The following ADGRD2 variants were observed in gnomAD, a reference collection of about 807,000 sequenced individuals.
ADGRD2 encodes the protein adhesion G protein-coupled receptor D2.
A neutral mutation model predicts 44.4 loss-of-function variants in ADGRD2; 71 were observed. The observed-to-expected ratio is 1.60, with a 90% CI of 1.32 to 1.95. The LOEUF is 1.95. Ranked by LOEUF, ADGRD2 falls within the 30% of genes most tolerant of loss-of-function variation. The pLI is 0.00. For synonymous variants in ADGRD2, 481 were observed against 224.8 expected (o/e 2.14, Z -10.19); for missense variants, 1,039 against 512.4 (o/e 2.03, Z -9.92).
chr9:124,468,618 G>C, exon 14 of ADGRD2: 1 of 718,356 alleles, frequency 1.4e-6, no homozygotes, highest in Non-Finnish European at 2.6e-6. Context: ...GAAGGTGGTA[G>C]CTGTGAGCAT....
chr9:124,461,435 G>T (rs769122905), intron 10 of ADGRD2, among the ~76,000 whole-genome samples: 1 of 152,206 alleles, frequency 6.6e-6, no homozygotes, highest in Non-Finnish European at 1.5e-5. Flanking sequence ...GGTGTATGAT[G>T]TATTTCAACT....
Position 124,468,080 on chromosome 9 carries a change from C to T in ADGRD2, c.2131-8C>T. 1 of 718,474 alleles carries T rather than the reference C, an allele frequency of 1.4e-6. No individual in the cohort carries two copies. Among genetic ancestry groups the T allele is most frequent in the Non-Finnish European group, 2.6e-6 (1 of 385,138 alleles). The allele number at this position is 718,474 out of a possible 1,614,324, so 44.5% of individuals were successfully genotyped here. On this transcript the variant is annotated splice_polypyrimidine_tract_variant and splice_region_variant and intron_variant, in intron 12 of 21. Transcript: ENST00000334810. ...GTTCTTGTTAACTGACTCCTCTGTC[C>T]TCTCCAGGGTCCCCAAGTCAGAGCG... is the stretch of plus-strand genomic sequence containing the variant.
At chr9:124,452,605 G>A (rs753650134) in exon 2 of ADGRD2, 52 of 718,480 alleles carry the variant, frequency 7.2e-5, no homozygotes, top group Middle Eastern at 4.6e-4. Flanking sequence ...AGAGTCCTGC[G>A]AGCAGCAGTT....
chr9:124,470,146 G>A (rs1831919855), intron 16 of ADGRD2, among the ~76,000 whole-genome samples: 1 of 152,134 alleles, frequency 6.6e-6, no homozygotes, highest in African/African-American at 2.4e-5. Context: ...CAGGGCCCTT[G>A]GAGAGGGAGA....
At chr9:124,456,177 G>A (rs1055452416) in intron 6 of ADGRD2, among the ~76,000 whole-genome samples, 3 of 152,244 alleles carry the variant, frequency 2.0e-5, no homozygotes, top group African/African-American at 4.8e-5. Context: ...ATGGAGAGGC[G>A]TTAGGGATGA....
intron 16 of ADGRD2, among the ~76,000 whole-genome samples, chr9:124,469,857 G>A (rs1350543092): frequency 1.3e-5 from 2 of 152,238 alleles, no homozygotes; most frequent in African/African-American, 4.8e-5. Flanking sequence ...GGCAGGTACT[G>A]ATAGCCTGCA....
At chr9:124,453,600 C>G (rs1428713141) in exon 3 of ADGRD2, 1 of 700,916 alleles carries the variant, frequency 1.4e-6, no homozygotes, top group Non-Finnish European at 2.6e-6. Flanking sequence ...AGGGCCTGCT[C>G]TTCCGCTGGG....
At chr9:124,452,699 C>T (rs1156658325) in exon 2 of ADGRD2, 2 of 715,476 alleles carry the variant, frequency 2.8e-6, no homozygotes, top group Admixed American at 4.0e-5. Context: ...AGAGAGGCCC[C>T]TCTGCGGAGA....
In ADGRD2 at chr9:124,456,778, C is replaced by G. The variant is rs761264024; in HGVS notation, c.1505+45C>G. ...CCCACACGGCTGGACTCAGACCTCC[C>G]TCCTCAGCCCTGGTGACTGGGAGCT... On this transcript the variant is annotated intron_variant, in intron 7 of 21. Coordinates refer to ENST00000334810, the Ensembl canonical transcript of ADGRD2. 5.7e-6 allele frequency: 4 copies of G among 702,956 alleles called. No individual in the cohort carries two copies. In the South Asian group the frequency reaches 5.9e-5, roughly 10 times the overall value. The allele number at this position is 702,956 out of a possible 1,614,324, so 43.5% of individuals were successfully genotyped here. A position where few individuals can be genotyped will look rare whatever the true frequency, so the allele number is the denominator to read the frequency against.
intron 17 of ADGRD2, among the ~76,000 whole-genome samples, chr9:124,472,893 C>T (rs1321828794): frequency 6.6e-6 from 1 of 152,244 alleles, no homozygotes; most frequent in Non-Finnish European, 1.5e-5. Context: ...CCTCAGATTA[C>T]CCTTGGGACG....
chr9:124,457,466 C>T lies in ADGRD2; in HGVS notation c.1506-6C>T, dbSNP rs546402183. On this transcript the variant is annotated splice_polypyrimidine_tract_variant and splice_region_variant and intron_variant, in intron 7 of 21. Transcript: ENST00000334810. ...GGTCCAGCCACCCAGCCCCATTTACCCCCAGGCCTGGAGGTGCGGAGCTTA... is the reference window on the plus strand; with the variant it reads ...GGTCCAGCCACCCAGCCCCATTTACTCCCAGGCCTGGAGGTGCGGAGCTTA... 34 of 605,646 alleles carry T rather than the reference C, an allele frequency of 5.6e-5. No homozygotes were observed. In the African/African-American group the frequency reaches 5.9e-4, roughly 10 times the overall value. 37.5% of individuals were successfully genotyped at this position (605,646 alleles called of 1,614,324 possible). A position where few individuals can be genotyped will look rare whatever the true frequency, so the allele number is the denominator to read the frequency against.
rs1266302046 is a variant in ADGRD2 at position 124,454,004 on chromosome 9, T to C, written c.931T>C (p.Ser311Pro). ...AGCTCCCCTGCCCCTGCCAGTGCCC[T>C]CCGAGGAGTGCCCTACGTGGAACCC... The change falls in exon 4 of 22, where the codon TCC (serine) becomes CCC (proline). Residue 311 changes from serine to proline, a missense_variant. Physicochemically the swap from Ser to Pro is moderately conservative, Grantham distance 74. Coordinates refer to ENST00000334810, the Ensembl canonical transcript of ADGRD2. The surrounding 1 kb of genome is among the most constrained non-coding windows in gnomAD (Gnocchi z 4.5). 1 of 698,020 alleles carries C rather than the reference T, an allele frequency of 1.4e-6. No homozygotes were observed. The highest frequency in any genetic ancestry group is 2.6e-6 in the Non-Finnish European group (1 of 377,378). 43.2% of individuals were successfully genotyped at this position (698,020 alleles called of 1,614,324 possible).
chr9:124,466,186 C>T (rs762523764), intron 10 of ADGRD2, 72 bp from the exon 14 acceptor site: 17 of 526,510 alleles, frequency 3.2e-5, no homozygotes, highest in Non-Finnish European at 4.9e-5. Context: ...CAGTGACAGG[C>T]CCCAGGCTCT....
At chr9:124,467,175 A>C (rs1233890662) in intron 11 of ADGRD2, 2 of 153,528 alleles carry the variant, frequency 1.3e-5, no homozygotes. Context: ...TCTACTAAAA[A>C]TACAAACATT....
rs59651695 is a variant in ADGRD2 at position 124,467,340 on chromosome 9, CAAAAAAAA to C, written c.2027-364_2027-357del. ...TGGGTGACAGACTGTCTTGAAGCAACAAAAAAAAAAAAAAAAAAAAAAAAGTCAGAGCG... is the reference window on the plus strand; with the variant it reads ...TGGGTGACAGACTGTCTTGAAGCAACAAAAAAAAAAAAAAAAGTCAGAGCG... On this transcript the variant is annotated intron_variant, in intron 11 of 21. Transcript: ENST00000334810. 6.0e-3 allele frequency: 633 copies of C among 104,898 alleles called. 1 individual carries two copies. The highest frequency in any genetic ancestry group is 0.023 in the Middle Eastern group (5 of 222). The allele number at this position is 104,898 out of a possible 1,614,324, so 6.5% of individuals were successfully genotyped here.
chr9:124,473,100 G>A (rs1272991814), intron 17 of ADGRD2, among the ~76,000 whole-genome samples: 2 of 152,132 alleles, frequency 1.3e-5, no homozygotes, highest in African/African-American at 4.8e-5. Context: ...TGTCCACCAA[G>A]GTCTCTCTGT....
At chr9:124,451,158 G>C, upstream of ADGRD2, 1 of 472,338 alleles carries the variant, frequency 2.1e-6, no homozygotes, top group Non-Finnish European at 4.4e-6. Context: ...ACGCACCTTG[G>C]GGAGCAGGGG....
intron 10 of ADGRD2, among the ~76,000 whole-genome samples, chr9:124,464,633 G>A (rs1245165610): frequency 6.6e-6 from 1 of 152,156 alleles, no homozygotes; most frequent in African/African-American, 2.4e-5. Flanking sequence ...ACCTAGACTG[G>A]GGCTCGTACC....
At chr9:124,469,516 T>G (rs183725843) in exon 16 of ADGRD2, 2 of 718,168 alleles carry the variant, frequency 2.8e-6, no homozygotes, top group Admixed American at 4.0e-5. Flanking sequence ...CCCACAGCCC[T>G]GCCTGCAGCA....
Sources: gnomAD v4.1 joint callset for allele counts (sites outside exome capture counted in the v4.1 genomes callset) on GRCh38, gnomAD v4.1.1 for gene constraint, Gnocchi (gnomAD v3.1) non-coding constraint, MANE v1.5 for transcripts, NCBI Gene and HGNC (gene_info 2026-07-23, HGNC 2026-07-21) for gene names.